The following WRN variants were observed in gnomAD, a reference collection of about 807,000 sequenced individuals.
WRN encodes bifunctional 3'-5' exonuclease/ATP-dependent helicase WRN.
In WRN, 149 loss-of-function variants were observed where a neutral mutation model predicts 180.7. That is an observed-to-expected ratio of 0.82 (90% CI 0.72 to 0.94). The LOEUF (loss-of-function observed/expected upper bound fraction) is 0.94, where lower values mean the gene tolerates loss of function less well. Among genes scored for constraint, WRN ranks in the 40% least tolerant of loss-of-function variants. The pLI, the probability that WRN is intolerant of heterozygous loss-of-function variation, is 0.00. For synonymous variants in WRN, 548 were observed against 568.9 expected (o/e 0.96, Z 0.52); for missense variants, 1,661 against 1,700.1 (o/e 0.98, Z 0.40).
intron 33 of WRN, 91 bp downstream of exon 33, chr8:31,157,621 C>A: frequency 4.1e-6 from 6 of 1,461,746 alleles, no homozygotes; most frequent in African/African-American, 1.4e-5. Context: ...AGCATTAATC[C>A]TTTATGCTAT....
At chr8:31,044,698 C>G (rs775406262) in intron 1 of WRN, among the ~76,000 whole-genome samples, 1 of 152,134 alleles carries the variant, frequency 6.6e-6, no homozygotes, top group Non-Finnish European at 1.5e-5. Flanking sequence ...ACTGACACTT[C>G]GTTTTCCCTC....
At chr8:31,090,655 A>C in intron 14 of WRN, 123 bp downstream of exon 14, 1 of 1,160,906 alleles carries the variant, frequency 8.6e-7, no homozygotes. Context: ...AAACTATAGA[A>C]GAGAGTGAAC....
intron 1 of WRN, among the ~76,000 whole-genome samples, chr8:31,047,739 A>T (rs974720037): frequency 6.6e-6 from 1 of 152,238 alleles, no homozygotes; most frequent in Non-Finnish European, 1.5e-5. Context: ...TTTTAAATTG[A>T]CTTACTTGAA....
intron 9 of WRN, among the ~76,000 whole-genome samples, chr8:31,083,332 C>T (rs990502688): frequency 6.6e-6 from 1 of 152,020 alleles, no homozygotes; most frequent in Non-Finnish European, 1.5e-5. Context: ...GTTCTTTGTA[C>T]GGCATTTTTC....
rs999891892 is a variant in WRN, at chr8:31,174,761, CTTCT to C, written c.*1664_*1667del. Among the ~76,000 whole-genome samples the C allele has an allele frequency of 2.0e-5, 3 of 148,886 alleles. No individual in the cohort carries two copies. Among genetic ancestry groups the C allele is most frequent in the African/African-American group, 5.0e-5 (2 of 40,306 alleles). The stretch of plus-strand genomic sequence containing the variant: ...CCTCCTTCTTCTTCCTCTTCCTCTT[CTTCT>C]TTCTCTCTTTCCTTCCTTCCCTTCC... On this transcript the variant is annotated 3_prime_UTR_variant, in exon 35 of 35. Coordinates refer to ENST00000298139, the MANE Select transcript of WRN (RefSeq NM_000553.6).
At chr8:31,134,658 G>A (rs894995957) in intron 24 of WRN, among the ~76,000 whole-genome samples, 8 of 152,194 alleles carry the variant, frequency 5.3e-5, no homozygotes, top group Non-Finnish European at 1.2e-4. Flanking sequence ...CAGATTAAGT[G>A]AAACTTCTCT....
chr8:31,068,446 C>A, intron 7 of WRN, 119 bp downstream of exon 7: 1 of 810,940 alleles, frequency 1.2e-6, no homozygotes, highest in Non-Finnish European at 2.0e-6. Context: ...AATGTCTGAG[C>A]AGTCCTGACA....
At chr8:31,081,337 GT>G in intron 9 of WRN, 41 bp downstream of exon 9, 2 of 1,601,418 alleles carry the variant, frequency 1.2e-6, no homozygotes, top group Non-Finnish European at 1.7e-6. Flanking sequence ...TTATTAGTAG[GT>G]TCTGGCAGAC....
chr8:31,052,736 ATGACTGTGTAG>A (rs1414453559), intron 1 of WRN, among the ~76,000 whole-genome samples: 2 of 152,118 alleles, frequency 1.3e-5, no homozygotes, highest in Non-Finnish European at 2.9e-5. Flanking sequence ...ATTATTTTTA[ATGACTGTGTAG>A]TGTTCTGTTT....
rs1468633117 is a variant in WRN, at chr8:31,141,562, T to C, written c.3100T>C (p.Tyr1034His). 3.3e-5 allele frequency: 53 copies of C among 1,614,056 alleles called. No individual in the cohort carries two copies. The highest frequency in any genetic ancestry group is 4.3e-5 in the Non-Finnish European group (51 of 1,180,038). The change falls in exon 25 of 35, where the codon TAT becomes CAT. Residue 1034 changes from tyrosine to histidine, a missense_variant. Around this residue, in one of 3 missense-constraint regions of WRN, gnomAD observed 1,141 missense variants for 1,149.4 expected, o/e 0.99. Coordinates refer to ENST00000298139, the MANE Select transcript of WRN (RefSeq NM_000553.6). The stretch of plus-strand genomic sequence containing the variant: ...GGGATTCTTGGTAGAAGTTTCTCGG[T>C]ATAACAAATTTATGAAGATTTGCGC... ...TEGFLVEVSR[Y>H]NKFMKICALT...
intron 18 of WRN, among the ~76,000 whole-genome samples, chr8:31,109,259 G>A (rs981619470): frequency 1.3e-5 from 2 of 152,176 alleles, no homozygotes; most frequent in African/African-American, 2.4e-5. Context: ...CAATGAAAAC[G>A]AAGTACTAGC....
At chr8:31,106,437 G>T (rs1801099974) in intron 18 of WRN, among the ~76,000 whole-genome samples, 1 of 152,028 alleles carries the variant, frequency 6.6e-6, no homozygotes, top group South Asian at 2.1e-4. Context: ...ATGTAATCTG[G>T]CCTTCCATTT....
At chr8:31,130,313 GT>G (rs1371891263) in intron 23 of WRN, among the ~76,000 whole-genome samples, 2 of 152,008 alleles carry the variant, frequency 1.3e-5, no homozygotes, top group Non-Finnish European at 2.9e-5. Flanking sequence ...CCTAAGCATA[GT>G]TTTTTTCCCC....
At chr8:31,045,051 A>C (rs1007272619) in intron 1 of WRN, among the ~76,000 whole-genome samples, 1 of 152,112 alleles carries the variant, frequency 6.6e-6, no homozygotes, top group Non-Finnish European at 1.5e-5. Flanking sequence ...CAATCTTTTA[A>C]ATTTTTGCTG....
chr8:31,156,968 C>T (rs1803408763), intron 32 of WRN, among the ~76,000 whole-genome samples: 2 of 152,228 alleles, frequency 1.3e-5, no homozygotes, highest in Non-Finnish European at 2.9e-5. Flanking sequence ...ATTCATGTAA[C>T]CAAACCACCA....
chr8:31,043,940 AT>A (rs1010382823), intron 1 of WRN, among the ~76,000 whole-genome samples: 2 of 151,698 alleles, frequency 1.3e-5, no homozygotes. Flanking sequence ...TAATTGCAAA[AT>A]ATCTGATTTT....
At chr8:31,045,131 A>G (rs1223934547) in intron 1 of WRN, among the ~76,000 whole-genome samples, 1 of 152,336 alleles carries the variant, frequency 6.6e-6, no homozygotes, top group South Asian at 2.1e-4. Context: ...TTTCTCAAAG[A>G]TAAGAAATGT....
intron 7 of WRN, among the ~76,000 whole-genome samples, chr8:31,069,675 T>G (rs1812835112): frequency 6.6e-6 from 1 of 152,172 alleles, no homozygotes. Flanking sequence ...ATCTATGGAT[T>G]TGATATCAGT....
chr8:31,064,339 C>G lies in WRN; in HGVS notation c.260C>G (p.Pro87Arg). 6.2e-7 allele frequency: 1 copy of G among 1,614,042 alleles called. No homozygotes were observed. Among genetic ancestry groups the G allele is most frequent in the Non-Finnish European group, 8.5e-7 (1 of 1,180,008 alleles). The change falls in exon 4 of 35, where the codon CCA becomes CGA. Residue 87 changes from proline (P) to arginine (R), a missense_variant. Coordinates refer to ENST00000298139, the MANE Select transcript of WRN (RefSeq NM_000553.6). ...DVVGFDMEWPPLYNRGKLGKV... is the reference protein window; with the variant it reads ...DVVGFDMEWPRLYNRGKLGKV... ...GTGGGATTTGACATGGAGTGGCCAC[C>G]ATTATACAATAGAGGGAAACTTGGC... is the stretch of plus-strand genomic sequence containing the variant.
Sources: gnomAD v4.1 joint callset for allele counts (sites outside exome capture counted in the v4.1 genomes callset) on GRCh38, gnomAD v4.1.1 for gene constraint, gnomAD v4.1.1 regional missense constraint, MANE v1.5 for transcripts, NCBI Gene and HGNC (gene_info 2026-07-23, HGNC 2026-07-21) for gene names.